Variants in RELCH observed in about 807,000 individuals in gnomAD.
RELCH encodes the protein RAB11 binding and LisH domain, coiled-coil and HEAT repeat containing, also known as RAB11-binding protein RELCH.
A neutral mutation model predicts 150.3 loss-of-function variants in RELCH; 41 were observed. That is an observed-to-expected ratio of 0.27 (90% CI 0.21 to 0.35). RELCH has a LOEUF of 0.35. Among genes scored for constraint, RELCH ranks in the 10% least tolerant of loss-of-function variants. The pLI, the probability that RELCH is intolerant of heterozygous loss-of-function variation, is 1.00. For synonymous variants in RELCH, 478 were observed against 531.8 expected (o/e 0.90, Z 1.39); for missense variants, 1,092 against 1,467.8 (o/e 0.74, Z 4.18).
chr18:62,250,388 T>C (rs948331612), intron 11 of RELCH, among the ~76,000 whole-genome samples: 4 of 152,208 alleles, frequency 2.6e-5, no homozygotes, highest in Admixed American at 1.3e-4. Flanking sequence ...CTATTACAAT[T>C]ATCAAACATG....
chr18:62,301,578 A>G (rs1600301018), intron 28 of RELCH, among the ~76,000 whole-genome samples: 1 of 152,212 alleles, frequency 6.6e-6, no homozygotes, highest in Non-Finnish European at 1.5e-5. Flanking sequence ...GTTAGTGTCC[A>G]TCAGAATCAC....
At chr18:62,260,863 A>G (rs2043235719) in intron 15 of RELCH, among the ~76,000 whole-genome samples, 1 of 152,010 alleles carries the variant, frequency 6.6e-6, no homozygotes, top group African/African-American at 2.4e-5. Context: ...GGGAGCTTAA[A>G]CAGTTGATCT....
At chr18:62,232,291 G>T (rs1385140830) in intron 9 of RELCH, 41 bp from the exon 10 acceptor site, 4 of 1,293,938 alleles carry the variant, frequency 3.1e-6, no homozygotes, top group Middle Eastern at 2.1e-4. Context: ...ATGCACAGAA[G>T]TTCTCCACTA....
Position 62,231,212 on chromosome 18 carries a change from C to G in RELCH, c.1467C>G (p.Phe489Leu). Residue 489 changes from phenylalanine (F) to leucine (L), a missense_variant, in exon 9 of 29, where the codon TTC becomes TTG. Coordinates refer to ENST00000644646, the MANE Select transcript of RELCH (RefSeq NM_001346231.2). The part of the protein sequence containing the change: ...DKPNRKLSPA[F>L]HQALLSFCRM... ...CTTCTAGGAAATTGTCTCCTGCATTCCATCAAGCACTACTCTCTTTTTGTC... is the reference window on the plus strand; with the variant it reads ...CTTCTAGGAAATTGTCTCCTGCATTGCATCAAGCACTACTCTCTTTTTGTC... 1 of 1,602,936 alleles carries G rather than the reference C, an allele frequency of 6.2e-7. No individual in the cohort carries two copies. The highest frequency in any genetic ancestry group is 8.5e-7 in the Non-Finnish European group (1 of 1,171,904).
intron 12 of RELCH, 132 bp from the exon 13 acceptor site, chr18:62,255,275 G>T: frequency 1.4e-6 from 1 of 706,738 alleles, no homozygotes; most frequent in East Asian, 2.7e-5. Context: ...TAGTCAAACA[G>T]GGATTCCCAG....
intron 1 of RELCH, among the ~76,000 whole-genome samples, chr18:62,195,910 G>A (rs964473956): frequency 2.0e-5 from 3 of 151,970 alleles, no homozygotes; most frequent in African/African-American, 7.3e-5. Context: ...TGGCCAGGCT[G>A]GTCTCAAACT....
chr18:62,309,536 A>G lies in RELCH; in HGVS notation c.*4002A>G, dbSNP rs965974208. 71 of 152,296 alleles carry G rather than the reference A, an allele frequency of 4.7e-4. No individual in the cohort carries two copies. The highest frequency in any genetic ancestry group is 1.7e-3 in the African/African-American group (69 of 41,568). 9.4% of individuals were successfully genotyped at this position (152,296 alleles called of 1,614,324 possible). On this transcript the variant is annotated 3_prime_UTR_variant, in exon 29 of 29. Transcript: ENST00000644646. ...CCTATTCTCTGTTAAGACCACACCA[A>G]TCATAAAGTACATAACAGTTAATAT...
chr18:62,245,935 C>A (rs968452776), intron 11 of RELCH: 2 of 152,184 alleles, frequency 1.3e-5, no homozygotes, highest in African/African-American at 4.8e-5. Context: ...AACGGCTCTT[C>A]TCCTCTGCTC....
At chr18:62,222,862 G>A (rs2040967696) in intron 5 of RELCH, among the ~76,000 whole-genome samples, 1 of 152,010 alleles carries the variant, frequency 6.6e-6, no homozygotes, top group Middle Eastern at 3.4e-3. Flanking sequence ...CTAGCAATTA[G>A]TAACAAAGTT....
In RELCH at chr18:62,288,118, A is replaced by G. The variant is rs527764440; in HGVS notation, c.3370+651A>G. On this transcript the variant is annotated intron_variant, in intron 26 of 28. Coordinates refer to ENST00000644646, the MANE Select transcript of RELCH (RefSeq NM_001346231.2). ...TGTTAAATGTTCTGTTTACTATCCT[A>G]TGCCTATAAAATAAAACTAAGAAGG... is the stretch of plus-strand genomic sequence containing the variant. Among the ~76,000 whole-genome samples the G allele has an allele frequency of 2.0e-4, 30 of 152,270 alleles. 1 individual carries two copies. The highest frequency in any genetic ancestry group is 7.2e-4 in the African/African-American group (30 of 41,588).
chr18:62,277,878 A>G (rs747188448), intron 22 of RELCH: 1 of 929,706 alleles, frequency 1.1e-6, no homozygotes, highest in Non-Finnish European at 1.3e-6. Context: ...TTTAATCATA[A>G]GGAAATTGAA....
chr18:62,240,407 TC>T (rs1195324267), intron 10 of RELCH, among the ~76,000 whole-genome samples: 4 of 150,672 alleles, frequency 2.7e-5, no homozygotes, highest in Non-Finnish European at 4.4e-5. Flanking sequence ...CTTTTTTTTT[TC>T]TTTTTCTTTT....
chr18:62,267,541 C>A (rs2043654908), intron 19 of RELCH, among the ~76,000 whole-genome samples: 1 of 149,808 alleles, frequency 6.7e-6, no homozygotes, highest in Non-Finnish European at 1.5e-5. Context: ...TATATACACA[C>A]ACCTTAGTGG....
chr18:62,293,514 T>C (rs1313703256), intron 27 of RELCH, among the ~76,000 whole-genome samples: 1 of 152,128 alleles, frequency 6.6e-6, no homozygotes, highest in Non-Finnish European at 1.5e-5. Flanking sequence ...AATAATCTCC[T>C]TTACTTAGAA....
At chr18:62,276,838 C>CA (rs2044236504) in intron 22 of RELCH, among the ~76,000 whole-genome samples, 1 of 151,978 alleles carries the variant, frequency 6.6e-6, no homozygotes, top group South Asian at 2.1e-4. Flanking sequence ...TGATGAATGC[C>CA]AAAGCCACTA....
chr18:62,221,584 T>TTA (rs2040876149), intron 5 of RELCH, 87 bp downstream of exon 5: 2 of 559,998 alleles, frequency 3.6e-6, no homozygotes, highest in Non-Finnish European at 3.0e-6. Context: ...TTTTTTTTTT[T>TTA]AAGTTATATA....
At chr18:62,207,162 A>C (rs757391538) in intron 1 of RELCH, among the ~76,000 whole-genome samples, 1 of 152,054 alleles carries the variant, frequency 6.6e-6, no homozygotes, top group Non-Finnish European at 1.5e-5. Context: ...CTCAACCCCC[A>C]ATCACTAATC....
chr18:62,200,228 C>G (rs889546362), intron 1 of RELCH, among the ~76,000 whole-genome samples: 5 of 152,134 alleles, frequency 3.3e-5, no homozygotes, highest in African/African-American at 1.2e-4. Flanking sequence ...ATTTTTTAAC[C>G]TTTAAGATAA....
chr18:62,206,745 T>G (rs1429074621), intron 1 of RELCH, among the ~76,000 whole-genome samples: 1 of 152,198 alleles, frequency 6.6e-6, no homozygotes, highest in African/African-American at 2.4e-5. Context: ...TTCCTGCTAC[T>G]TTACAACCTA....
Sources: allele counts gnomAD v4.1 joint callset (sites outside exome capture counted in the v4.1 genomes callset), GRCh38; gene constraint gnomAD v4.1.1; transcripts MANE v1.5; gene names NCBI Gene and HGNC (gene_info 2026-07-23, HGNC 2026-07-21).